The following GLIS1 variants were observed in gnomAD, a reference collection of about 807,000 sequenced individuals.
GLIS1 encodes the protein zinc finger protein GLIS1.
A neutral mutation model predicts 63.8 loss-of-function variants in GLIS1; 24 were observed. The observed-to-expected ratio is 0.38, with a 90% CI of 0.27 to 0.53. GLIS1 has a LOEUF of 0.53. GLIS1 is among the 20% of genes least tolerant of loss of function. GLIS1 has a pLI of 0.85. For missense variants in GLIS1, 1,036 were observed against 1,074.1 expected (o/e 0.96, Z 0.50); for synonymous variants, 450 against 482.5 (o/e 0.93, Z 0.88).
intron 2 of GLIS1, among the ~76,000 whole-genome samples, chr1:53,651,789 G>A (rs995950848): frequency 1.3e-5 from 2 of 151,554 alleles, no homozygotes; most frequent in Admixed American, 6.6e-5. Flanking sequence ...TGGAAGGATC[G>A]CTTGAGCCCA....
At position 53,535,285 on chromosome 1, in the gene GLIS1, C is replaced by T. The variant is rs74086353; in HGVS notation, c.1321-5333G>A. On this transcript the variant is annotated intron_variant, in intron 4 of 10. Transcript: ENST00000628545. ...GCTCTTCACTTGAGGGACTCTGGTG[C>T]GACTTCTGCTGGCTGGACCACCCCA... is the stretch of plus-strand genomic sequence containing the variant. Among the ~76,000 whole-genome samples the T allele has an allele frequency of 8.1e-3, 1,231 of 152,128 alleles. 39 individuals are homozygous for T. Among genetic ancestry groups the T allele is most frequent in the African/African-American group, 0.028 (1,153 of 41,396 alleles).
intron 2 of GLIS1, among the ~76,000 whole-genome samples, chr1:53,699,979 G>A (rs1398456923): frequency 6.6e-6 from 1 of 152,192 alleles, no homozygotes; most frequent in Admixed American, 6.5e-5. Flanking sequence ...AAAACACAGA[G>A]AGGTTGAGTG....
At chr1:53,716,990 G>A (rs888603940) in intron 2 of GLIS1, among the ~76,000 whole-genome samples, 2 of 152,168 alleles carry the variant, frequency 1.3e-5, no homozygotes, top group South Asian at 2.1e-4. Context: ...AAAAATTGAT[G>A]GGGTAGAGTG....
chr1:53,683,378 G>C (rs990618569), intron 2 of GLIS1, among the ~76,000 whole-genome samples: 2 of 152,116 alleles, frequency 1.3e-5, no homozygotes, highest in African/African-American at 4.8e-5. Flanking sequence ...CTAACTTGTG[G>C]AGCACAATGA....
chr1:53,641,065 T>A (rs1470339906), intron 2 of GLIS1, among the ~76,000 whole-genome samples: 1 of 152,094 alleles, frequency 6.6e-6, no homozygotes, highest in Non-Finnish European at 1.5e-5. Flanking sequence ...AAAGGGCCCA[T>A]ACTATTGCCT....
intron 4 of GLIS1, among the ~76,000 whole-genome samples, chr1:53,546,370 T>A (rs1184188053): frequency 6.6e-6 from 1 of 152,184 alleles, no homozygotes; most frequent in African/African-American, 2.4e-5. Flanking sequence ...CTCAACACCA[T>A]CTCTGCAGCC....
At chr1:53,622,132 C>T (rs1645549806) in intron 2 of GLIS1, among the ~76,000 whole-genome samples, 1 of 151,922 alleles carries the variant, frequency 6.6e-6, no homozygotes. Context: ...TGAATGGTGG[C>T]CCCTTGAAAG....
intron 2 of GLIS1, among the ~76,000 whole-genome samples, chr1:53,716,862 A>G (rs557547662): frequency 1.4e-4 from 21 of 152,372 alleles, no homozygotes; most frequent in African/African-American, 4.8e-4. Context: ...ACTGAAGGTC[A>G]TGAGTCTCCA....
chr1:53,540,472 G>T (rs953037283), intron 4 of GLIS1, among the ~76,000 whole-genome samples: 4 of 152,172 alleles, frequency 2.6e-5, no homozygotes, highest in Non-Finnish European at 4.4e-5. Flanking sequence ...CTTCCTGTGA[G>T]CCTCAGTGTT....
chr1:53,621,657 T>A (rs561740014), intron 2 of GLIS1, among the ~76,000 whole-genome samples: 1 of 152,046 alleles, frequency 6.6e-6, no homozygotes, highest in South Asian at 2.1e-4. Context: ...ATGGTTTTAG[T>A]TTTAGTAATA....
rs774374676 is a variant in GLIS1 at position 53,565,242 on chromosome 1, T to C, written c.1320+28866A>G. Among the ~76,000 whole-genome samples, 42 of 151,962 alleles carry C rather than the reference T, an allele frequency of 2.8e-4. 1 individual carries two copies. Among genetic ancestry groups the C allele is most frequent in the Non-Finnish European group, 5.3e-4 (36 of 67,872 alleles). ...CAAAAATTCTGAGATGCAGTAAAAG[T>C]GGCATTAAAAGGGAAATTTATTTTG... On this transcript the variant is annotated intron_variant, in intron 4 of 10. Transcript: ENST00000628545.
chr1:53,541,732 C>T (rs1242118443), intron 4 of GLIS1, among the ~76,000 whole-genome samples: 1 of 152,204 alleles, frequency 6.6e-6, no homozygotes, highest in Non-Finnish European at 1.5e-5. Context: ...TGGCCAAGTG[C>T]CTCCATCTGC....
chr1:53,509,288 C>A lies in GLIS1; in HGVS notation c.2063-1G>T. The A allele has an allele frequency of 6.4e-7, 1 of 1,568,258 alleles. No homozygotes were observed. The highest frequency in any genetic ancestry group is 8.7e-7 in the Non-Finnish European group (1 of 1,152,056). On this transcript the variant is annotated splice_acceptor_variant, in intron 9 of 10. Transcript: ENST00000628545. LOFTEE classifies it high-confidence loss of function. Reference sequence around the variant, plus strand: ...ATGGAGTGGAAACTGCCCTGGTAACCTGCAGACGGGGGTAGCAGGGGCCGC... The same window carrying A: ...ATGGAGTGGAAACTGCCCTGGTAACATGCAGACGGGGGTAGCAGGGGCCGC...
intron 2 of GLIS1, among the ~76,000 whole-genome samples, chr1:53,687,987 G>A (rs930708017): frequency 6.6e-6 from 1 of 152,162 alleles, no homozygotes; most frequent in Admixed American, 6.5e-5. Context: ...AAGCCCGGAG[G>A]ACCCAGCCTC....
chr1:53,719,692 G>A (rs904899448), intron 2 of GLIS1, among the ~76,000 whole-genome samples: 2 of 152,106 alleles, frequency 1.3e-5, no homozygotes, highest in Admixed American at 1.3e-4. Flanking sequence ...TGGGGGTGGA[G>A]TGGGAGTTGA....
chr1:53,674,901 A>C (rs189961208), intron 2 of GLIS1, among the ~76,000 whole-genome samples: 3 of 152,266 alleles, frequency 2.0e-5, no homozygotes, highest in African/African-American at 7.2e-5. Context: ...GGGATGAGCC[A>C]AGCCTGGCAT....
chr1:53,605,073 G>A (rs1370793874), intron 2 of GLIS1, among the ~76,000 whole-genome samples: 1 of 151,986 alleles, frequency 6.6e-6, no homozygotes, highest in African/African-American at 2.4e-5. Context: ...AGCAGTGAGA[G>A]AGACAGGATT....
chr1:53,698,117 G>C lies in GLIS1; in HGVS notation c.259+39689C>G, dbSNP rs564096851. On this transcript the variant is annotated intron_variant, in intron 2 of 10. Transcript: ENST00000628545. ...CCCCAGACCAGACAGCAAACAAACAGGAAACAATTAAAGAACCAACCAGAA... is the reference window on the plus strand; with the variant it reads ...CCCCAGACCAGACAGCAAACAAACACGAAACAATTAAAGAACCAACCAGAA... 2.8e-3 allele frequency among the ~76,000 whole-genome samples: 302 copies of C among 108,882 alleles called. 1 individual carries two copies. The highest frequency in any genetic ancestry group is 0.01 in the Middle Eastern group (1 of 96). The allele number at this position is 108,882 out of a possible 152,430, so 71.4% of individuals were successfully genotyped here.
chr1:53,509,376 C>G (rs902179202), intron 9 of GLIS1, 89 bp from the exon 10 acceptor site: 4 of 1,299,976 alleles, frequency 3.1e-6, no homozygotes, highest in Non-Finnish European at 3.2e-6. Context: ...CTCCACCTCC[C>G]GTGTTGTCCT....
Sources: gnomAD v4.1 joint callset for allele counts (sites outside exome capture counted in the v4.1 genomes callset) on GRCh38, gnomAD v4.1.1 for gene constraint, MANE v1.5 for transcripts, NCBI Gene and HGNC (gene_info 2026-07-23, HGNC 2026-07-21) for gene names.